Variants in SCHIP1 observed in about 807,000 individuals in gnomAD.
SCHIP1 encodes the protein schwannomin interacting protein 1, also known as schwannomin-interacting protein 1.
A neutral mutation model predicts 29.7 loss-of-function variants in SCHIP1; 8 were observed. The ratio of observed to expected loss-of-function variants is 0.27; its 90% CI spans 0.16 to 0.49. The LOEUF (loss-of-function observed/expected upper bound fraction) is 0.49, where lower values mean the gene tolerates loss of function less well. Ranked by LOEUF, SCHIP1 falls within the 20% of genes least tolerant of loss-of-function variation. SCHIP1 has a pLI of 0.99. For missense variants in SCHIP1, 193 were observed against 294.6 expected (o/e 0.66, Z 2.52); for synonymous variants, 76 against 94.9 (o/e 0.80, Z 1.16).
the SCHIP1 span, among the ~76,000 whole-genome samples, chr3:159,341,534 A>G: frequency 2.0e-5 from 3 of 151,986 alleles, no homozygotes; most frequent in East Asian, 5.8e-4. Flanking sequence ...CCATCCATCA[A>G]GCCAGCTCAC....
At chr3:159,897,035 G>A (rs1718121644) in exon 7 of SCHIP1, 2 of 305,012 alleles carry the variant, frequency 6.6e-6, no homozygotes, top group Admixed American at 4.8e-5. Flanking sequence ...GTTAATAAAA[G>A]AGAGTAGTTT....
At chr3:159,822,704 A>C in the SCHIP1 span, among the ~76,000 whole-genome samples, 3 of 150,220 alleles carry the variant, frequency 2.0e-5, no homozygotes, top group South Asian at 4.2e-4. Context: ...TAGTAACAGA[A>C]CTAACACTGG....
intron 6 of SCHIP1, chr3:159,894,393 T>C (rs1312652586): frequency 1.3e-5 from 2 of 152,188 alleles, no homozygotes; most frequent in African/African-American, 4.8e-5. Context: ...CCCTGGTGTG[T>C]CAGGGTCATT....
the SCHIP1 span, among the ~76,000 whole-genome samples, chr3:159,454,062 C>T: frequency 7.9e-5 from 12 of 152,296 alleles, no homozygotes; most frequent in Admixed American, 2.6e-4. Flanking sequence ...TGCTTAGACT[C>T]TCAAAATTCA....
chr3:159,803,237 G>T, the SCHIP1 span, among the ~76,000 whole-genome samples: 1 of 152,182 alleles, frequency 6.6e-6, no homozygotes, highest in Admixed American at 6.5e-5. Flanking sequence ...GGAAAAAGGA[G>T]AAAATATATT....
chr3:159,345,554 T>TCTCTCTC, the SCHIP1 span, among the ~76,000 whole-genome samples: 1,814 of 93,478 alleles, frequency 0.019, 54 homozygotes, highest in African/African-American at 0.067. Flanking sequence ...GTGTCTCTCT[T>TCTCTCTC]TCTCTCTCTC....
At chr3:159,625,126 G>A in the SCHIP1 span, among the ~76,000 whole-genome samples, 3 of 152,170 alleles carry the variant, frequency 2.0e-5, no homozygotes, top group African/African-American at 7.2e-5. Context: ...GGAACCAGGG[G>A]TCTGTGCAGC....
At chr3:159,631,391 A>G in the SCHIP1 span, among the ~76,000 whole-genome samples, 1 of 152,232 alleles carries the variant, frequency 6.6e-6, no homozygotes, top group Non-Finnish European at 1.5e-5. Flanking sequence ...CTTGAAGACC[A>G]ATGTTCATAG....
chr3:159,854,062 A>G (rs1713021166), intron 1 of SCHIP1, among the ~76,000 whole-genome samples: 1 of 152,202 alleles, frequency 6.6e-6, no homozygotes. Flanking sequence ...GTATATGCTT[A>G]TCTGTCCACA....
chr3:159,711,846 G>A, the SCHIP1 span, among the ~76,000 whole-genome samples: 1 of 152,190 alleles, frequency 6.6e-6, no homozygotes, highest in Non-Finnish European at 1.5e-5. Flanking sequence ...CGGCTCTGAA[G>A]GAAGCTGCCA....
At chr3:159,387,008 G>A in the SCHIP1 span, 1 of 158,052 alleles carries the variant, frequency 6.3e-6, no homozygotes, top group African/African-American at 2.4e-5. Context: ...CTTAGGCAAA[G>A]GGGCAGAGAC....
At chr3:159,421,254 G>T in the SCHIP1 span, among the ~76,000 whole-genome samples, 62 of 152,172 alleles carry the variant, frequency 4.1e-4, no homozygotes, top group Non-Finnish European at 7.8e-4. Context: ...TAGCTGGAAT[G>T]TATATTTTAC....
chr3:159,823,591 C>G, the SCHIP1 span, among the ~76,000 whole-genome samples: 1 of 152,144 alleles, frequency 6.6e-6, no homozygotes, highest in Non-Finnish European at 1.5e-5. Context: ...CCTCAGCTCC[C>G]TCTTGAATTT....
the SCHIP1 span, among the ~76,000 whole-genome samples, chr3:159,658,748 C>G: frequency 7.9e-5 from 12 of 152,190 alleles, no homozygotes; most frequent in African/African-American, 2.7e-4. Context: ...ATATCCAACT[C>G]TCTATTCAAC....
At chr3:159,385,768 T>C in the SCHIP1 span, among the ~76,000 whole-genome samples, 1 of 152,136 alleles carries the variant, frequency 6.6e-6, no homozygotes. Flanking sequence ...GTTTGTTACA[T>C]AGGTATACAT....
chr3:159,443,762 C>T, the SCHIP1 span, among the ~76,000 whole-genome samples: 21 of 152,294 alleles, frequency 1.4e-4, no homozygotes, highest in African/African-American at 3.1e-4. Context: ...CCGCCTCGGC[C>T]TCCCAAAGTG....
At chr3:159,782,351 C>T in the SCHIP1 span, among the ~76,000 whole-genome samples, 4 of 152,230 alleles carry the variant, frequency 2.6e-5, no homozygotes, top group African/African-American at 9.6e-5. Context: ...CAGTTATAAA[C>T]TACTATACCA....
chr3:159,818,958 C>G, the SCHIP1 span, among the ~76,000 whole-genome samples: 2 of 152,222 alleles, frequency 1.3e-5, no homozygotes, highest in African/African-American at 4.8e-5. Context: ...CATTTACTAT[C>G]TCACAATTTC....
chr3:159,626,224 A>C, the SCHIP1 span, among the ~76,000 whole-genome samples: 5 of 115,252 alleles, frequency 4.3e-5, no homozygotes, highest in African/African-American at 1.1e-4. Flanking sequence ...CTAGATATAT[A>C]TATATCTAGA....
Sources: allele counts gnomAD v4.1 joint callset (sites outside exome capture counted in the v4.1 genomes callset), GRCh38; gene constraint gnomAD v4.1.1; transcripts MANE v1.5; gene names NCBI Gene and HGNC (gene_info 2026-07-23, HGNC 2026-07-21).